CWC25: variants seen among roughly 807,000 people sequenced by gnomAD.
CWC25 encodes CWC25 spliceosome associated protein.
In CWC25, 31 loss-of-function variants were observed where a neutral mutation model predicts 54.6. The observed-to-expected ratio is 0.57, with a 90% CI of 0.43 to 0.77. The LOEUF (loss-of-function observed/expected upper bound fraction) is 0.77, where lower values mean the gene tolerates loss of function less well. Ranked by LOEUF, CWC25 falls within the 30% of genes least tolerant of loss-of-function variation. The probability of loss-of-function intolerance (pLI) is 0.00; values close to 1 mark genes in which losing one functional copy is unlikely to be tolerated. For synonymous variants in CWC25, 151 were observed against 187.0 expected (o/e 0.81, Z 1.57); for missense variants, 453 against 529.3 (o/e 0.86, Z 1.41).
At position 38,814,850 on chromosome 17, in the gene CWC25, C is replaced by T. The variant is rs770535900; in HGVS notation, c.428+11G>A. The T allele has an allele frequency of 6.2e-7, 1 of 1,603,854 alleles. No individual in the cohort carries two copies. Among genetic ancestry groups the T allele is most frequent in the African/African-American group, 1.3e-5 (1 of 74,658 alleles). ...CTGTAACAAACCCCCTTCCTAGCCC[C>T]CCATTAGTACCTGATGATGAAGAGT... On this transcript the variant is annotated intron_variant, in intron 3 of 9. Coordinates refer to ENST00000614790, the MANE Select transcript of CWC25 (RefSeq NM_017748.5).
chr17:38,805,951 T>C (rs1041263649), intron 8 of CWC25, among the ~76,000 whole-genome samples: 21 of 152,276 alleles, frequency 1.4e-4, no homozygotes, highest in African/African-American at 4.8e-4. Context: ...TAACTGGGAT[T>C]ACAGGCATGT....
At chr17:38,812,974 T>C in intron 3 of CWC25, 110 bp from the exon 4 acceptor site, 1 of 668,732 alleles carries the variant, frequency 1.5e-6, no homozygotes, top group Non-Finnish European at 2.6e-6. Flanking sequence ...AAAATCTACA[T>C]GATTAGCTGG....
At chr17:38,815,633 ATTTATAAGGAAAACCAG>A in intron 2 of CWC25, 2 of 1,278,368 alleles carry the variant, frequency 1.6e-6, no homozygotes, top group Non-Finnish European at 1.0e-6. Context: ...ACATAAAGCA[ATTTATAAGGAAAACCAG>A]TGTTCCTCAA....
chr17:38,812,866 TA>T lies in CWC25; in HGVS notation c.429-3del. The T allele has an allele frequency of 6.8e-7, 1 of 1,462,846 alleles. No homozygotes were observed. Among genetic ancestry groups the T allele is most frequent in the Non-Finnish European group, 9.4e-7 (1 of 1,068,828 alleles). The allele number at this position is 1,462,846 out of a possible 1,614,324, so 90.6% of individuals were successfully genotyped here. A position where few individuals can be genotyped will look rare whatever the true frequency, so the allele number is the denominator to read the frequency against. ...CGTTTTTTCTCCTCCTCCTTCTTCC[TA>T]AAGAGAGATAATTACAAAATTCATG... On this transcript the variant is annotated splice_polypyrimidine_tract_variant and splice_region_variant and intron_variant, in intron 3 of 9. Transcript: ENST00000614790.
chr17:38,802,322 C>CT, intron 9 of CWC25, 116 bp from the exon 10 acceptor site: 1 of 664,922 alleles, frequency 1.5e-6, no homozygotes, highest in Non-Finnish European at 2.6e-6. Flanking sequence ...AACACAACCT[C>CT]TTTTAAGCTC....
intron 8 of CWC25, among the ~76,000 whole-genome samples, chr17:38,803,208 C>A (rs11652515): frequency 0.034 from 5,164 of 152,262 alleles, 280 homozygotes; most frequent in African/African-American, 0.12. Flanking sequence ...CTAGGTTATC[C>A]ATGTAACTGT....
chr17:38,806,853 T>C lies in CWC25; in HGVS notation c.814A>G (p.Ser272Gly), dbSNP rs772912988. ...CCTGCTTCCCTGGTGCTCTTCTTGC[T>C]GGCATGTCTTGGGGGTGAGTGGGAG... ...SSSHSPPRHA[S>G]KKSTREAGSR... The change falls in exon 7 of 10, where the codon AGC (serine) becomes GGC (glycine). Residue 272 changes from serine (S) to glycine (G), a missense_variant. Transcript: ENST00000614790. 1.9e-6 allele frequency: 3 copies of C among 1,613,638 alleles called. No individual in the cohort carries two copies. The African/African-American group carries it at 4.0e-5, about 22-fold the overall frequency.
In CWC25 at chr17:38,802,079, G is replaced by C; in HGVS notation, c.*13C>G. ...GGAAAATGCAGGAAAACCAATAAGA[G>C]AGGGGACAGTTTTCATCTTTTCATA... On this transcript the variant is annotated 3_prime_UTR_variant, in exon 10 of 10. Transcript: ENST00000614790. The C allele has an allele frequency of 6.5e-7, 1 of 1,529,170 alleles. No homozygotes were observed. The highest frequency in any genetic ancestry group is 1.4e-5 in the African/African-American group (1 of 73,422). The allele number at this position is 1,529,170 out of a possible 1,614,324, so 94.7% of individuals were successfully genotyped here.
chr17:38,813,007 TC>T, intron 3 of CWC25, 143 bp from the exon 4 acceptor site: 1 of 586,486 alleles, frequency 1.7e-6, no homozygotes, highest in Non-Finnish European at 3.0e-6. Context: ...GCACCTGTAA[TC>T]CCAGCTACTT....
chr17:38,812,263 G>A (rs1911521460), intron 4 of CWC25, among the ~76,000 whole-genome samples: 1 of 151,904 alleles, frequency 6.6e-6, no homozygotes. Flanking sequence ...CACGACCAAG[G>A]GCATACTCCA....
At chr17:38,802,478 G>C (rs1911065227) in intron 9 of CWC25, among the ~76,000 whole-genome samples, 1 of 152,176 alleles carries the variant, frequency 6.6e-6, no homozygotes, top group African/African-American at 2.4e-5. Context: ...TAAAAAGGAA[G>C]GTCAAGGAAT....
At chr17:38,809,630 G>T in intron 6 of CWC25, 72 bp downstream of exon 6, 2 of 1,445,998 alleles carry the variant, frequency 1.4e-6, no homozygotes, top group South Asian at 1.2e-5. Context: ...CCACCTCCCT[G>T]CTATCCACAT....
At chr17:38,821,130 T>C in intron 1 of CWC25, 57 bp from the exon 2 acceptor site, 4 of 1,545,784 alleles carry the variant, frequency 2.6e-6, no homozygotes, top group Non-Finnish European at 3.5e-6. Context: ...GTGGTGGGTA[T>C]AACTAGCCCT....
chr17:38,825,113 C>T, intron 1 of CWC25, 53 bp downstream of exon 1: 1 of 1,434,686 alleles, frequency 7.0e-7, no homozygotes, highest in Non-Finnish European at 9.3e-7. Context: ...CCACCCCCTG[C>T]CAATTTCCGT....
At chr17:38,810,647 C>T in intron 4 of CWC25, 52 bp from the exon 5 acceptor site, 1 of 908,002 alleles carries the variant, frequency 1.1e-6, no homozygotes, top group Non-Finnish European at 1.8e-6. Context: ...CCAGCCAGCG[C>T]AGTGGCTCAT....
intron 3 of CWC25, among the ~76,000 whole-genome samples, chr17:38,813,149 A>C (rs1911557904): frequency 2.2e-5 from 3 of 138,368 alleles, no homozygotes; most frequent in South Asian, 4.2e-4. Context: ...TCTGTCTCCA[A>C]AAAAAAAAAA....
chr17:38,802,674 C>A (rs941439674), intron 9 of CWC25, 26 bp downstream of exon 9: 1 of 1,612,630 alleles, frequency 6.2e-7, no homozygotes, highest in Admixed American at 1.7e-5. Context: ...CCATGAAAGA[C>A]CCTGGCAGGA....
At chr17:38,822,020 G>A (rs1911947367) in intron 1 of CWC25, among the ~76,000 whole-genome samples, 1 of 151,910 alleles carries the variant, frequency 6.6e-6, no homozygotes, top group African/African-American at 2.4e-5. Flanking sequence ...TGCCCGCAGT[G>A]GCCTCCCAAA....
chr17:38,822,307 C>T (rs893029388), intron 1 of CWC25, among the ~76,000 whole-genome samples: 2 of 152,174 alleles, frequency 1.3e-5, no homozygotes, highest in African/African-American at 2.4e-5. Flanking sequence ...AGGTGATCCG[C>T]CTGCCTTGGC....
Sources: gnomAD v4.1 joint callset for allele counts (sites outside exome capture counted in the v4.1 genomes callset) on GRCh38, gnomAD v4.1.1 for gene constraint, MANE v1.5 for transcripts, NCBI Gene and HGNC (gene_info 2026-07-23, HGNC 2026-07-21) for gene names.